The following PBX1 variants were observed in gnomAD, a reference collection of about 807,000 sequenced individuals.
The protein encoded by PBX1 is pre-B-cell leukemia transcription factor 1.
PBX1 carries 6 observed loss-of-function variants against 53.4 expected under a neutral mutation model. The observed-to-expected ratio is 0.11, with a 90% CI of 0.06 to 0.22. PBX1 has a LOEUF of 0.22. Among genes scored for constraint, PBX1 ranks in the 10% least tolerant of loss-of-function variants. The pLI is 1.00. For missense variants in PBX1, 251 were observed against 551.4 expected, an observed-to-expected ratio of 0.46 and a Z score of 5.46; for synonymous variants, 204 against 212.3, an observed-to-expected ratio of 0.96 and a Z score of 0.34.
Position 164,827,603 on chromosome 1 carries a change from G to T in PBX1, c.1200+5977G>T, listed in dbSNP as rs1418875667. 2.0e-5 allele frequency among the ~76,000 whole-genome samples: 3 copies of T among 152,110 alleles called. No individual in the cohort carries two copies. The East Asian group carries it at 5.8e-4, about 29-fold the overall frequency. The stretch of plus-strand genomic sequence containing the variant: ...TAAGTAAGTGCCTTTCCTTCTTATA[G>T]GGCCTTTAAACCTAGCACCATAACA... On this transcript the variant is annotated intron_variant, in intron 8 of 8. Transcript: ENST00000420696.
intron 8 of PBX1, among the ~76,000 whole-genome samples, chr1:164,838,697 G>A (rs1391876877): frequency 3.9e-5 from 6 of 152,146 alleles, no homozygotes; most frequent in Admixed American, 1.3e-4. Flanking sequence ...AGAAGTAGGA[G>A]TAAGAGTTCA....
chr1:164,721,540 T>C (rs1664406024), intron 2 of PBX1, among the ~76,000 whole-genome samples: 1 of 152,294 alleles, frequency 6.6e-6, no homozygotes, highest in South Asian at 2.1e-4. Context: ...TACAGTGCTG[T>C]GTCCTGAGAG....
intron 2 of PBX1, among the ~76,000 whole-genome samples, chr1:164,865,995 C>A (rs1377145582): frequency 1.3e-5 from 2 of 152,082 alleles, no homozygotes; most frequent in African/African-American, 4.8e-5. Flanking sequence ...GAAGTGGACT[C>A]AAGGCACACA....
intron 2 of PBX1, among the ~76,000 whole-genome samples, chr1:164,870,345 CTTTCTTTCT>C (rs1672348974): frequency 1.0e-5 from 1 of 99,826 alleles, no homozygotes; most frequent in African/African-American, 4.2e-5. Context: ...TTCTTTCTTT[CTTTCTTTCT>C]TTCTTTCGAG....
At chr1:164,832,145 A>G (rs1299503565) in intron 8 of PBX1, among the ~76,000 whole-genome samples, 1 of 152,012 alleles carries the variant, frequency 6.6e-6, no homozygotes, top group Non-Finnish European at 1.5e-5. Flanking sequence ...CCCTTTATCC[A>G]GATAGACCCT....
At chr1:164,672,990 G>A (rs553206624) in intron 2 of PBX1, among the ~76,000 whole-genome samples, 2 of 151,808 alleles carry the variant, frequency 1.3e-5, no homozygotes, top group African/African-American at 4.8e-5. Context: ...AGCCACAATT[G>A]TACTTGACTG....
At position 164,737,370 on chromosome 1, in the gene PBX1, T is replaced by C. The variant is rs143503328; in HGVS notation, c.266-55124T>C. Among the ~76,000 whole-genome samples the C allele has an allele frequency of 5.4e-3, 825 of 152,366 alleles. 5 individuals are homozygous for C. Among genetic ancestry groups the C allele is most frequent in the Middle Eastern group, 0.02 (6 of 294 alleles). Reference sequence around the variant, plus strand: ...TTTCAGTATTGATATCCATTGTTTTTATTTTTGATCAATGAGGTATAATTC... The same window carrying C: ...TTTCAGTATTGATATCCATTGTTTTCATTTTTGATCAATGAGGTATAATTC... On this transcript the variant is annotated intron_variant, in intron 2 of 8. Transcript: ENST00000420696.
At chr1:164,709,714 A>T (rs867757608) in intron 2 of PBX1, among the ~76,000 whole-genome samples, 18 of 152,332 alleles carry the variant, frequency 1.2e-4, no homozygotes, top group Middle Eastern at 3.4e-3. Flanking sequence ...AAGCCATGAA[A>T]AAAAGAATTA....
Position 164,821,702 on chromosome 1 carries a change from C to A in PBX1, c.1200+76C>A, listed in dbSNP as rs1465828816. The A allele has an allele frequency of 2.4e-5, 26 of 1,074,246 alleles. No individual in the cohort carries two copies. The Admixed American group carries it at 4.2e-4, about 17-fold the overall frequency. The allele number at this position is 1,074,246 out of a possible 1,614,324, so 66.5% of individuals were successfully genotyped here. A position where few individuals can be genotyped will look rare whatever the true frequency, so the allele number is the denominator to read the frequency against. On this transcript the variant is annotated intron_variant, in intron 8 of 8. Coordinates refer to ENST00000420696, the MANE Select transcript of PBX1 (RefSeq NM_002585.4). ...CCAATTATTTCAAAGCCATAGGGCC[C>A]AGAATGCCACTTAGTAGGGCTTATC...
intron 2 of PBX1, among the ~76,000 whole-genome samples, chr1:164,750,024 C>T (rs1666110520): frequency 6.6e-6 from 1 of 151,776 alleles, no homozygotes; most frequent in South Asian, 2.1e-4. Context: ...CACTTGAGCC[C>T]ATGAGTTCAA....
chr1:164,816,431 A>C (rs1161459045), intron 6 of PBX1: 1 of 152,218 alleles, frequency 6.6e-6, no homozygotes, highest in Non-Finnish European at 1.5e-5. Flanking sequence ...TTGATTTCTA[A>C]ACTACAGAAA....
chr1:164,670,707 C>T (rs898672771), intron 2 of PBX1, among the ~76,000 whole-genome samples: 2 of 152,000 alleles, frequency 1.3e-5, no homozygotes, highest in Non-Finnish European at 2.9e-5. Flanking sequence ...AAATGGAGTA[C>T]TGAGAATAGC....
chr1:164,732,134 T>G (rs1180114412), intron 2 of PBX1, among the ~76,000 whole-genome samples: 1 of 152,162 alleles, frequency 6.6e-6, no homozygotes, highest in Non-Finnish European at 1.5e-5. Flanking sequence ...ACTGTTGGCT[T>G]TGTGAGCTAG....
chr1:164,687,978 T>C (rs1045582373), intron 2 of PBX1, among the ~76,000 whole-genome samples: 23 of 152,210 alleles, frequency 1.5e-4, no homozygotes, highest in African/African-American at 3.1e-4. Flanking sequence ...GACTCTGTTA[T>C]GATATGCCCA....
rs372259526 is a variant in PBX1 at position 164,791,474 on chromosome 1, C to T, written c.266-1020C>T. On this transcript the variant is annotated intron_variant, in intron 2 of 8. Transcript: ENST00000420696. ...AACACATAGATCTCAATGTTTGGAG[C>T]TAAACGACCCTGCTCAAGGGCCAAT... 3.9e-5 allele frequency among the ~76,000 whole-genome samples: 6 copies of T among 152,294 alleles called. No homozygotes were observed. In the East Asian group the frequency reaches 7.7e-4, roughly 20 times the overall value.
At chr1:164,573,766 G>T (rs1019688984) in intron 2 of PBX1, among the ~76,000 whole-genome samples, 4 of 152,126 alleles carry the variant, frequency 2.6e-5, no homozygotes, top group African/African-American at 7.2e-5. Flanking sequence ...GATTACAGGC[G>T]TGAGCCACCG....
intron 2 of PBX1, among the ~76,000 whole-genome samples, chr1:164,751,531 T>G (rs1666215758): frequency 6.6e-6 from 1 of 152,206 alleles, no homozygotes; most frequent in Non-Finnish European, 1.5e-5. Context: ...AAAAACATTT[T>G]TTATAGACAT....
chr1:164,623,158 G>A (rs1192621477), intron 2 of PBX1, among the ~76,000 whole-genome samples: 1 of 152,074 alleles, frequency 6.6e-6, no homozygotes, highest in Non-Finnish European at 1.5e-5. Context: ...CTCTTCTCTA[G>A]ATGTAGCATG....
chr1:164,700,113 T>TAATAA (rs1663031858), intron 2 of PBX1, among the ~76,000 whole-genome samples: 2 of 152,186 alleles, frequency 1.3e-5, no homozygotes, highest in Non-Finnish European at 2.9e-5. Flanking sequence ...TTACAGGGTG[T>TAATAA]GCTTAACCCT....
Sources: gnomAD v4.1 joint callset for allele counts (sites outside exome capture counted in the v4.1 genomes callset) on GRCh38, gnomAD v4.1.1 for gene constraint, MANE v1.5 for transcripts, NCBI Gene and HGNC (gene_info 2026-07-23, HGNC 2026-07-21) for gene names.